The following SHANK2 variants were observed in gnomAD, a reference collection of about 807,000 sequenced individuals.
SHANK2 encodes the protein SH3 and multiple ankyrin repeat domains protein 2.
SHANK2 carries 43 observed loss-of-function variants against 133.7 expected under a neutral mutation model. The observed-to-expected ratio is 0.32, with a 90% CI of 0.25 to 0.41. SHANK2 has a LOEUF of 0.41. Ranked by LOEUF, SHANK2 falls within the 10% of genes least tolerant of loss-of-function variation. The probability of loss-of-function intolerance (pLI) is 1.00; values close to 1 mark genes in which losing one functional copy is unlikely to be tolerated. For missense variants in SHANK2, 1,994 were observed against 2,235.8 expected, an observed-to-expected ratio of 0.89 and a Z score of 2.18; for synonymous variants, 1,017 against 952.8, an observed-to-expected ratio of 1.07 and a Z score of -1.24.
chr11:70,939,663 C>A (rs1555084010), intron 10 of SHANK2, among the ~76,000 whole-genome samples: 1 of 152,096 alleles, frequency 6.6e-6, no homozygotes, highest in African/African-American at 2.4e-5. Context: ...CCTGGTCCTA[C>A]AGAACTTCTC....
intron 11 of SHANK2, among the ~76,000 whole-genome samples, chr11:70,822,788 C>T (rs551408059): frequency 2.2e-5 from 2 of 92,572 alleles, no homozygotes; most frequent in South Asian, 4.2e-4. Context: ...ACAGAGGTGG[C>T]GCTGGCAGAG....
chr11:70,485,633 G>C lies in SHANK2; in HGVS notation c.4660C>G (p.Pro1554Ala). The change falls in exon 25 of 26, where the codon CCC (proline) becomes GCC (alanine). Residue 1554 changes from proline to alanine, a missense_variant. This residue lies in a region of SHANK2 where 797 missense variants were observed against 907.4 expected (regional missense o/e 0.88). Transcript: ENST00000601538. This position sits in a 1 kb window ranked among gnomAD's most constrained non-coding sequence, Gnocchi z 5.8. The stretch of plus-strand genomic sequence containing the variant: ...AGTGCATTGCTTTTGTGAATGATGG[G>C]CTTCATTTTTGGCTTAGGAGGTACT... The part of the protein sequence containing the change: ...PPVPPKPKMK[P>A]IIHKSNALYQ... The C allele has an allele frequency of 6.2e-7, 1 of 1,614,092 alleles. No individual in the cohort carries two copies. The highest frequency in any genetic ancestry group is 8.5e-7 in the Non-Finnish European group (1 of 1,180,032).
chr11:71,210,210 G>C (rs1445791266), intron 2 of SHANK2, among the ~76,000 whole-genome samples: 1 of 54,074 alleles, frequency 1.8e-5, no homozygotes, highest in African/African-American at 8.5e-5. Context: ...AAATCCACAG[G>C]TATATATATA....
chr11:70,516,902 G>A (rs547955720), intron 17 of SHANK2, among the ~76,000 whole-genome samples: 3 of 152,162 alleles, frequency 2.0e-5, no homozygotes, highest in Non-Finnish European at 2.9e-5. Flanking sequence ...GTGAAACCCC[G>A]TCTCTTATAA....
chr11:70,912,497 C>CT (rs1161589320), intron 10 of SHANK2, among the ~76,000 whole-genome samples: 3 of 152,166 alleles, frequency 2.0e-5, no homozygotes, highest in African/African-American at 7.2e-5. Flanking sequence ...CCAGGGGTTT[C>CT]TGCTTTTGCT....
At chr11:71,142,560 T>A (rs1952577597) in intron 3 of SHANK2, among the ~76,000 whole-genome samples, 1 of 151,124 alleles carries the variant, frequency 6.6e-6, no homozygotes. Context: ...TGCCAAGCAA[T>A]TAAAGCAATT....
chr11:70,814,144 C>T (rs1948337135), intron 12 of SHANK2, among the ~76,000 whole-genome samples: 1 of 152,182 alleles, frequency 6.6e-6, no homozygotes, highest in Admixed American at 6.5e-5. Context: ...GCCAACATGG[C>T]GCAACCCCAT....
At position 70,500,657 on chromosome 11, in the gene SHANK2, G is replaced by C. The variant is rs1242160056; in HGVS notation, c.2288-67C>G. On this transcript the variant is annotated intron_variant, in intron 20 of 25. Transcript: ENST00000601538. This position sits in a 1 kb window ranked among gnomAD's most constrained non-coding sequence, Gnocchi z 4.5. Reference sequence around the variant, plus strand: ...AGCGCCCGCCCGCAGCCTACACTCGGGCCTTGTCAGCTCAGGGCGCCTCAG... The same window carrying C: ...AGCGCCCGCCCGCAGCCTACACTCGCGCCTTGTCAGCTCAGGGCGCCTCAG... The C allele has an allele frequency of 6.4e-7, 1 of 1,566,176 alleles. No individual in the cohort carries two copies. Among genetic ancestry groups the C allele is most frequent in the African/African-American group, 1.4e-5 (1 of 73,788 alleles).
chr11:70,651,178 C>T (rs2061334907), intron 17 of SHANK2, among the ~76,000 whole-genome samples: 1 of 152,218 alleles, frequency 6.6e-6, no homozygotes, highest in African/African-American at 2.4e-5. Context: ...TGCCATCTGC[C>T]AGTCCCATGG....
chr11:70,616,441 G>A (rs536007636), intron 17 of SHANK2, among the ~76,000 whole-genome samples: 1 of 152,272 alleles, frequency 6.6e-6, no homozygotes, highest in African/African-American at 2.4e-5. Context: ...AGCAGAGGAT[G>A]TGAATTCGAG....
At chr11:70,821,997 G>A (rs1555056043) in intron 11 of SHANK2, among the ~76,000 whole-genome samples, 1 of 152,176 alleles carries the variant, frequency 6.6e-6, no homozygotes, top group African/African-American at 2.4e-5. Context: ...GAGCTTTGAG[G>A]GGTGGCAGCC....
At chr11:71,226,023 G>T (rs1247604508) in intron 1 of SHANK2, among the ~76,000 whole-genome samples, 1 of 152,190 alleles carries the variant, frequency 6.6e-6, no homozygotes, top group Non-Finnish European at 1.5e-5. Context: ...TCAGGAGGCT[G>T]AGGCAGGAGA....
intron 1 of SHANK2, among the ~76,000 whole-genome samples, chr11:71,226,052 G>A (rs898153921): frequency 7.9e-5 from 12 of 152,172 alleles, no homozygotes; most frequent in Admixed American, 3.3e-4. Flanking sequence ...GACCCAGGAG[G>A]TAGAGGTTGC....
rs1245557758 is a variant in SHANK2 at position 70,882,859 on chromosome 11, G to A, written c.1174+13642C>T. ...GCAGAACTGTGTGGATTTTGCAGGA[G>A]TGAGGGGAGGTCCTGAGGAAACAGC... On this transcript the variant is annotated intron_variant, in intron 11 of 25. Coordinates refer to ENST00000601538, the MANE Select transcript of SHANK2 (RefSeq NM_012309.5). This position sits in a 1 kb window ranked among gnomAD's most constrained non-coding sequence, Gnocchi z 4.2. 1.3e-5 allele frequency among the ~76,000 whole-genome samples: 2 copies of A among 152,204 alleles called. No individual in the cohort carries two copies. Among genetic ancestry groups the A allele is most frequent in the Non-Finnish European group, 2.9e-5 (2 of 68,038 alleles).
intron 12 of SHANK2, among the ~76,000 whole-genome samples, chr11:70,816,648 G>A (rs1308004844): frequency 6.6e-6 from 1 of 152,178 alleles, no homozygotes; most frequent in Non-Finnish European, 1.5e-5. Context: ...TTTGAGCTTC[G>A]AGGATGAACA....
intron 17 of SHANK2, among the ~76,000 whole-genome samples, chr11:70,544,993 C>T (rs1160909887): frequency 2.0e-5 from 3 of 152,132 alleles, no homozygotes; most frequent in South Asian, 2.1e-4. Flanking sequence ...CGGTGGACCT[C>T]GGGAGCTTCT....
At position 70,830,016 on chromosome 11, in the gene SHANK2, G is replaced by A. The variant is rs1948703283; in HGVS notation, c.1175-9334C>T. 6.6e-6 allele frequency among the ~76,000 whole-genome samples: 1 copy of A among 152,164 alleles called. No homozygotes were observed. Among genetic ancestry groups the A allele is most frequent in the Non-Finnish European group, 1.5e-5 (1 of 68,022 alleles). On this transcript the variant is annotated intron_variant, in intron 11 of 25. Transcript: ENST00000601538. This position sits in a 1 kb window ranked among gnomAD's most constrained non-coding sequence, Gnocchi z 4.4. ...CACTGTCAGACGCGGGCAGCAGCCT[G>A]TAAGAGCCTCCTTCCCCCACACCCA...
chr11:70,530,750 A>C (rs150410066), intron 17 of SHANK2, among the ~76,000 whole-genome samples: 96 of 152,158 alleles, frequency 6.3e-4, no homozygotes, highest in African/African-American at 2.0e-3. Flanking sequence ...ATGAAGAGCT[A>C]GTGTTTACTG....
chr11:71,229,140 A>C (rs1555122637), intron 1 of SHANK2, among the ~76,000 whole-genome samples: 23 of 152,208 alleles, frequency 1.5e-4, no homozygotes, highest in Non-Finnish European at 1.5e-5. Flanking sequence ...CCAAATAAAA[A>C]CAAAATGCTT....
Sources: gnomAD v4.1 joint callset for allele counts (sites outside exome capture counted in the v4.1 genomes callset) on GRCh38, gnomAD v4.1.1 for gene constraint, gnomAD v4.1.1 regional missense constraint, Gnocchi (gnomAD v3.1) non-coding constraint, MANE v1.5 for transcripts, NCBI Gene and HGNC (gene_info 2026-07-23, HGNC 2026-07-21) for gene names.